The following TFCP2 variants were observed in gnomAD, a reference collection of about 807,000 sequenced individuals.
TFCP2 encodes the protein transcription factor CP2, also known as alpha-globin transcription factor CP2.
TFCP2 carries 33 observed loss-of-function variants against 73.4 expected under a neutral mutation model. The observed-to-expected ratio is 0.45, with a 90% CI of 0.34 to 0.60. The LOEUF (loss-of-function observed/expected upper bound fraction) is 0.60, where lower values mean the gene tolerates loss of function less well. TFCP2 is among the 20% of genes least tolerant of loss of function. TFCP2 has a pLI of 0.01. For synonymous variants in TFCP2, 193 were observed against 211.6 expected (o/e 0.91, Z 0.76); for missense variants, 352 against 604.0 (o/e 0.58, Z 4.37).
At chr12:51,148,568 C>T (rs957840522) in intron 1 of TFCP2, among the ~76,000 whole-genome samples, 1 of 151,756 alleles carries the variant, frequency 6.6e-6, no homozygotes, top group Non-Finnish European at 1.5e-5. Flanking sequence ...GGCGTGGTGG[C>T]GGGCGCCTGT....
chr12:51,158,978 A>G (rs1941594486), intron 1 of TFCP2, among the ~76,000 whole-genome samples: 1 of 139,058 alleles, frequency 7.2e-6, no homozygotes, highest in Non-Finnish European at 1.6e-5. Context: ...CCTGGCCAAC[A>G]TGGTGAAACC....
At position 51,172,349 on chromosome 12, in the gene TFCP2, C is replaced by G; in HGVS notation, c.74G>C (p.Ser25Thr). 2.5e-6 allele frequency: 4 copies of G among 1,614,180 alleles called. No individual in the cohort carries two copies. The highest frequency in any genetic ancestry group is 3.4e-6 in the Non-Finnish European group (4 of 1,180,032). The stretch of plus-strand genomic sequence containing the variant: ...CAGTTCCTGGCCGATCCCGGACAGG[C>G]TAGCATCAAAGTCCTGCACCAACCC... The part of the protein sequence containing the change: ...ESGLVQDFDA[S>T]LSGIGQELGA... Residue 25 changes from serine (S) to threonine (T), a missense_variant, in exon 1 of 15, where the codon AGC becomes ACC. Physicochemically the swap from Ser to Thr is moderately conservative, Grantham distance 58 (BLOSUM62 1). Around this residue, in one of 6 missense-constraint regions of TFCP2, gnomAD observed 76 missense variants for 163.2 expected, o/e 0.47. Transcript: ENST00000257915.
At chr12:51,132,355 G>GTTTTTTTTT (rs1276335598) in intron 1 of TFCP2, among the ~76,000 whole-genome samples, 33 of 21,434 alleles carry the variant, frequency 1.5e-3, no homozygotes, top group Non-Finnish European at 2.3e-3. Context: ...TTAGGGATTA[G>GTTTTTTTTT]TCTTTTTTTT....
At chr12:51,125,055 G>T (rs563798181) in intron 1 of TFCP2, 1 of 749,472 alleles carries the variant, frequency 1.3e-6, no homozygotes, top group Admixed American at 1.8e-5. Context: ...CGTGATGTAC[G>T]TCAGCACAGG....
intron 14 of TFCP2, 138 bp from the exon 15 acceptor site, chr12:51,095,416 G>A (rs1296283321): frequency 1.2e-6 from 1 of 850,656 alleles, no homozygotes; most frequent in African/African-American, 1.7e-5. Flanking sequence ...TCACGCCACT[G>A]GACTCCAGCT....
At chr12:51,119,806 C>T (rs1242205617) in intron 1 of TFCP2, among the ~76,000 whole-genome samples, 1 of 151,636 alleles carries the variant, frequency 6.6e-6, no homozygotes, top group Admixed American at 6.6e-5. Flanking sequence ...ATCTATTGAC[C>T]CAGCAATTCC....
chr12:51,104,000 A>G, intron 9 of TFCP2, 155 bp downstream of exon 9: 1 of 821,918 alleles, frequency 1.2e-6, no homozygotes, highest in African/African-American at 1.7e-5. Flanking sequence ...TTTAGTCCCT[A>G]GCACAGTATC....
chr12:51,161,381 G>GAA (rs113017278), intron 1 of TFCP2, among the ~76,000 whole-genome samples: 1,577 of 144,986 alleles, frequency 0.011, 30 homozygotes, highest in African/African-American at 0.037. Flanking sequence ...CCATTCACAG[G>GAA]AAAAAAAAAA....
chr12:51,134,229 C>T (rs949510458), intron 1 of TFCP2, among the ~76,000 whole-genome samples: 5 of 152,136 alleles, frequency 3.3e-5, no homozygotes, highest in African/African-American at 4.8e-5. Flanking sequence ...TATGTTTGTG[C>T]GTCTACAGAA....
chr12:51,148,152 T>C (rs1053508837), intron 1 of TFCP2, among the ~76,000 whole-genome samples: 2 of 152,132 alleles, frequency 1.3e-5, no homozygotes, highest in Non-Finnish European at 2.9e-5. Context: ...TTGGCATGGA[T>C]GTGGTAAAAA....
chr12:51,163,882 A>G (rs183763321), intron 1 of TFCP2, among the ~76,000 whole-genome samples: 3 of 152,098 alleles, frequency 2.0e-5, no homozygotes, highest in African/African-American at 7.2e-5. Context: ...AGGGAATAAC[A>G]ATGTTTAGAG....
At chr12:51,100,938 C>T (rs938231974) in intron 11 of TFCP2, among the ~76,000 whole-genome samples, 1 of 152,176 alleles carries the variant, frequency 6.6e-6, no homozygotes, top group African/African-American at 2.4e-5. Flanking sequence ...TTACTACTAC[C>T]TATTTAAAAT....
At chr12:51,132,310 G>A (rs1031811711) in intron 1 of TFCP2, among the ~76,000 whole-genome samples, 1 of 138,102 alleles carries the variant, frequency 7.2e-6, no homozygotes, top group Admixed American at 7.8e-5. Context: ...TTAACAACAA[G>A]AATGTGGAAG....
chr12:51,126,012 C>T (rs376352627), intron 1 of TFCP2, among the ~76,000 whole-genome samples: 47 of 151,872 alleles, frequency 3.1e-4, no homozygotes, highest in Non-Finnish European at 4.1e-4. Context: ...AGGTGGATCA[C>T]GAGGTCAGGA....
chr12:51,158,370 AT>A (rs1445047795), intron 1 of TFCP2, among the ~76,000 whole-genome samples: 1 of 152,000 alleles, frequency 6.6e-6, no homozygotes, highest in Non-Finnish European at 1.5e-5. Context: ...CCAAAACATC[AT>A]TATTCAGTAC....
intron 1 of TFCP2, among the ~76,000 whole-genome samples, chr12:51,150,233 C>T (rs1281046090): frequency 6.6e-6 from 1 of 152,092 alleles, no homozygotes; most frequent in Non-Finnish European, 1.5e-5. Flanking sequence ...GCCTGGCCAA[C>T]ATGGCGAAAC....
At chr12:51,161,760 CAAAAAAAA>C (rs60679909) in intron 1 of TFCP2, among the ~76,000 whole-genome samples, 2 of 76,224 alleles carry the variant, frequency 2.6e-5, no homozygotes, top group South Asian at 9.9e-4. Context: ...GACTCCATAT[CAAAAAAAA>C]AAAAAAAAAA....
chr12:51,133,286 C>T (rs1258522938), intron 1 of TFCP2, among the ~76,000 whole-genome samples: 1 of 152,096 alleles, frequency 6.6e-6, no homozygotes, highest in Admixed American at 6.5e-5. Flanking sequence ...TACTACACTG[C>T]CAATAAAATA....
chr12:51,109,042 T>G, intron 6 of TFCP2, 79 bp downstream of exon 6: 1 of 1,504,770 alleles, frequency 6.6e-7, no homozygotes, highest in Non-Finnish European at 9.1e-7. Flanking sequence ...GACAAGTTGA[T>G]TTTCTGACTT....
Sources: allele counts gnomAD v4.1 joint callset (sites outside exome capture counted in the v4.1 genomes callset), GRCh38; gene constraint gnomAD v4.1.1; regional missense constraint gnomAD v4.1.1; transcripts MANE v1.5; gene names NCBI Gene and HGNC (gene_info 2026-07-23, HGNC 2026-07-21).